Variants in FILIP1L observed in about 807,000 individuals in gnomAD.
The protein encoded by FILIP1L is filamin A-interacting protein 1-like.
In FILIP1L, 55 loss-of-function variants were observed where a neutral mutation model predicts 96.6. That is an observed-to-expected ratio of 0.57 (90% confidence interval 0.46 to 0.71). The LOEUF (loss-of-function observed/expected upper bound fraction) is 0.71, where lower values mean the gene tolerates loss of function less well. Ranked by LOEUF, FILIP1L falls within the 30% of genes least tolerant of loss-of-function variation. The pLI is 0.00. For missense variants in FILIP1L, 1,304 were observed against 1,321.2 expected (o/e 0.99, Z 0.20); for synonymous variants, 467 against 473.9 (o/e 0.99, Z 0.19).
At chr3:99,971,759 G>A (rs576551864) in intron 1 of FILIP1L, among the ~76,000 whole-genome samples, 1 of 152,270 alleles carries the variant, frequency 6.6e-6, no homozygotes, top group East Asian at 1.9e-4. Flanking sequence ...CTTCTGAAAG[G>A]AGTCCTCTCC....
intron 5 of FILIP1L, among the ~76,000 whole-genome samples, chr3:99,845,138 A>T (rs1943304529): frequency 6.6e-6 from 1 of 152,150 alleles, no homozygotes; most frequent in African/African-American, 2.4e-5. Flanking sequence ...TTGAACAAGT[A>T]TCAAGATTCT....
intron 1 of FILIP1L, among the ~76,000 whole-genome samples, chr3:99,982,900 T>A (rs1709169890): frequency 6.6e-6 from 1 of 152,198 alleles, no homozygotes; most frequent in Non-Finnish European, 1.5e-5. Context: ...TGAAGACAGC[T>A]GTGTTAAACA....
intron 1 of FILIP1L, among the ~76,000 whole-genome samples, chr3:99,946,663 A>G (rs1708017266): frequency 6.6e-6 from 1 of 152,234 alleles, no homozygotes; most frequent in Admixed American, 6.5e-5. Flanking sequence ...TACCATGCAC[A>G]TCATAATTAC....
chr3:99,841,278 G>A (rs931787452), intron 5 of FILIP1L, among the ~76,000 whole-genome samples: 5 of 152,132 alleles, frequency 3.3e-5, no homozygotes, highest in African/African-American at 1.2e-4. Context: ...TTGTACCTTT[G>A]TTTCTTTCAA....
chr3:99,996,193 T>A (rs958450602), intron 1 of FILIP1L, among the ~76,000 whole-genome samples: 1 of 152,126 alleles, frequency 6.6e-6, no homozygotes, highest in Admixed American at 6.5e-5. Context: ...TTCCACCAGA[T>A]ACCCTAAATC....
chr3:99,987,236 G>A (rs1313611644), intron 1 of FILIP1L, among the ~76,000 whole-genome samples: 11 of 107,876 alleles, frequency 1.0e-4, no homozygotes, highest in Non-Finnish European at 1.6e-4. Context: ...CTCTTAAGGG[G>A]AAAAAAAAAA....
chr3:100,108,173 T>C (rs1035893873), intron 1 of FILIP1L, among the ~76,000 whole-genome samples: 2 of 152,300 alleles, frequency 1.3e-5, no homozygotes, highest in African/African-American at 4.8e-5. Flanking sequence ...GGCTTCTTAA[T>C]TCGGTCCAGG....
At chr3:99,950,319 C>T (rs1342344188) in intron 1 of FILIP1L, among the ~76,000 whole-genome samples, 1 of 152,288 alleles carries the variant, frequency 6.6e-6, no homozygotes, top group East Asian at 1.9e-4. Flanking sequence ...GAAATTTTTA[C>T]AGCATCTCAT....
At chr3:100,088,594 C>G (rs1374351240) in intron 1 of FILIP1L, among the ~76,000 whole-genome samples, 1 of 152,030 alleles carries the variant, frequency 6.6e-6, no homozygotes, top group African/African-American at 2.4e-5. Flanking sequence ...CAAAGCACAC[C>G]AGTTTCCTCA....
rs66489523 is a variant in FILIP1L at position 100,037,451 on chromosome 3, G to GAC, written c.-11+76600_-11+76601dup. On this transcript the variant is annotated intron_variant, in intron 1 of 5. Coordinates refer to ENST00000477258, the MANE Select transcript of FILIP1L (RefSeq NM_001387850.1). Reference sequence around the variant, plus strand: ...ACAAAAGATTAAAACAAAGCAAACAGACACACACACACACACGCACATTGT... The same window carrying GAC: ...ACAAAAGATTAAAACAAAGCAAACAGACACACACACACACACACGCACATTGT... Among the ~76,000 whole-genome samples the GAC allele has an allele frequency of 5.3e-3, 810 of 151,418 alleles. 6 individuals carry two copies. The highest frequency in any genetic ancestry group is 0.018 in the African/African-American group (754 of 41,322).
At chr3:99,940,379 A>G (rs1162823923) in intron 1 of FILIP1L, among the ~76,000 whole-genome samples, 1 of 152,246 alleles carries the variant, frequency 6.6e-6, no homozygotes, top group East Asian at 1.9e-4. Flanking sequence ...TTCCAACTTC[A>G]TGCTCTGGTT....
chr3:99,960,324 A>G (rs1040378608), intron 1 of FILIP1L, among the ~76,000 whole-genome samples: 1 of 152,142 alleles, frequency 6.6e-6, no homozygotes, highest in Non-Finnish European at 1.5e-5. Context: ...GATGAGGAAA[A>G]CGAGGGCTCC....
At position 99,971,933 on chromosome 3, in the gene FILIP1L, C is replaced by G. The variant is rs75910607; in HGVS notation, c.-10-40903G>C. 6.2e-3 allele frequency among the ~76,000 whole-genome samples: 937 copies of G among 152,214 alleles called. 6 individuals are homozygous for G. The highest frequency in any genetic ancestry group is 0.018 in the African/African-American group (742 of 41,512). On this transcript the variant is annotated intron_variant, in intron 1 of 5. Transcript: ENST00000477258. ...AGGATTATGTAAACCTGGTTGCTGA[C>G]CTAGATATATGTAGTCTTGTTGGGA...
At chr3:100,077,604 C>G (rs2065869792) in intron 1 of FILIP1L, among the ~76,000 whole-genome samples, 1 of 152,100 alleles carries the variant, frequency 6.6e-6, no homozygotes, top group Non-Finnish European at 1.5e-5. Flanking sequence ...TAAAACAGTA[C>G]AGAATGAGAT....
At chr3:99,888,488 C>CA (rs1705979329) in intron 4 of FILIP1L, among the ~76,000 whole-genome samples, 1 of 152,102 alleles carries the variant, frequency 6.6e-6, no homozygotes, top group African/African-American at 2.4e-5. Flanking sequence ...TCCCAGGCTA[C>CA]AACAAACAAA....
intron 4 of FILIP1L, among the ~76,000 whole-genome samples, chr3:99,882,585 C>A (rs1705764771): frequency 6.6e-6 from 1 of 152,116 alleles, no homozygotes; most frequent in African/African-American, 2.4e-5. Context: ...CTCTCTGTTC[C>A]CATTTTTAAA....
chr3:100,089,186 C>T (rs2066062479), intron 1 of FILIP1L, among the ~76,000 whole-genome samples: 1 of 152,164 alleles, frequency 6.6e-6, no homozygotes, highest in Admixed American at 6.5e-5. Context: ...TACATTCCAA[C>T]GTCTAGCTCT....
At chr3:99,872,312 T>TGC (rs1944836601) in intron 4 of FILIP1L, among the ~76,000 whole-genome samples, 1 of 147,416 alleles carries the variant, frequency 6.8e-6, no homozygotes. Flanking sequence ...TGTGTGTGTG[T>TGC]GTGTGTGTGT....
chr3:100,025,592 A>C (rs1201198218), intron 1 of FILIP1L: 3 of 152,184 alleles, frequency 2.0e-5, no homozygotes, highest in Non-Finnish European at 2.9e-5. Flanking sequence ...TGAGCAGTGC[A>C]TTTAGCTCTG....
Sources: gnomAD v4.1 joint callset for allele counts (sites outside exome capture counted in the v4.1 genomes callset) on GRCh38, gnomAD v4.1.1 for gene constraint, MANE v1.5 for transcripts, NCBI Gene and HGNC (gene_info 2026-07-23, HGNC 2026-07-21) for gene names.